CFAP47: variants seen among roughly 807,000 people sequenced by gnomAD.
The protein encoded by CFAP47 is cilia and flagella associated protein 47, also known as cilia- and flagella-associated protein 47.
In CFAP47, 29 loss-of-function variants were observed where a neutral mutation model predicts 148.1. That is an observed-to-expected ratio of 0.20 (90% CI 0.15 to 0.27). CFAP47 has a LOEUF of 0.27. Among genes scored for constraint, CFAP47 ranks in the 10% least tolerant of loss-of-function variants. CFAP47 has a pLI of 1.00. For synonymous variants in CFAP47, 664 were observed against 577.3 expected, an observed-to-expected ratio of 1.15 and a Z score of -2.15; for missense variants, 1,872 against 1,697.5, an observed-to-expected ratio of 1.10 and a Z score of -1.81.
Position 35,967,738 on chromosome X carries a change from C to G in CFAP47, c.1720C>G (p.Arg574Gly). The change falls in exon 10 of 64, where the codon CGC (arginine) becomes GGC (glycine). Residue 574 changes from arginine (R) to glycine (G), a missense_variant. By Grantham distance (125) the Arg-to-Gly change is moderately radical. Transcript: ENST00000378653. ...AGCCATGACACGCACTCACAATCAT[C>G]GCTCATGTGAAGAGCCAGTGAAGGA... is the stretch of plus-strand genomic sequence containing the variant. Reference protein sequence around the residue: ...QSAMTRTHNHRSCEEPVKDML... With the variant: ...QSAMTRTHNHGSCEEPVKDML... 1 of 1,207,697 alleles carries G rather than the reference C, an allele frequency of 8.3e-7. No homozygotes were observed. The highest frequency in any genetic ancestry group is 1.1e-6 in the Non-Finnish European group (1 of 892,458).
intron 2 of CFAP47, 21 bp downstream of exon 2, chrX:35,926,189 A>G (rs768442456): frequency 8.8e-6 from 10 of 1,130,671 alleles, no homozygotes; most frequent in Non-Finnish European, 1.2e-5. Flanking sequence ...TTCATAGTTC[A>G]TGCTGACATT....
intron 39 of CFAP47, among the ~76,000 whole-genome samples, chrX:36,177,943 A>T (rs1445498467): frequency 8.9e-6 from 1 of 112,042 alleles, no homozygotes; most frequent in Non-Finnish European, 1.9e-5. Flanking sequence ...GGTGCCCATC[A>T]ATGGTGGATT....
intron 17 of CFAP47, among the ~76,000 whole-genome samples, chrX:35,992,776 CAA>C (rs1000943539): frequency 2.7e-5 from 3 of 111,168 alleles, no homozygotes; most frequent in South Asian, 3.7e-4. Context: ...AGGAAATAAA[CAA>C]GAGATTACTT....
intron 3 of CFAP47, among the ~76,000 whole-genome samples, chrX:35,942,732 A>G (rs4501739): frequency 0.29 from 32,078 of 110,521 alleles, 5,349 homozygotes; most frequent in African/African-American, 0.63. Flanking sequence ...TCATATGAAA[A>G]CTCTCTGTAA....
chrX:36,005,549 A>G (rs988592507), intron 21 of CFAP47, among the ~76,000 whole-genome samples: 1 of 111,737 alleles, frequency 8.9e-6, no homozygotes, highest in Non-Finnish European at 1.9e-5. Context: ...ACATTAGTTC[A>G]TTTAAATCAC....
intron 40 of CFAP47, among the ~76,000 whole-genome samples, chrX:36,184,769 A>G (rs781782938): frequency 9.0e-6 from 1 of 111,084 alleles, no homozygotes; most frequent in Non-Finnish European, 1.9e-5. Context: ...CCCTCTCTCT[A>G]TTAAAAATAC....
At chrX:36,083,758 C>T (rs1166869591) in intron 29 of CFAP47, among the ~76,000 whole-genome samples, 1 of 111,030 alleles carries the variant, frequency 9.0e-6, no homozygotes, top group Non-Finnish European at 1.9e-5. Flanking sequence ...GAAAAATAAA[C>T]AAAATCCTTT....
In CFAP47 at chrX:35,939,579, A is replaced by G. The variant is rs1359552135; in HGVS notation, c.402-1704A>G. 2.8e-4 allele frequency among the ~76,000 whole-genome samples: 25 copies of G among 89,653 alleles called. No individual in the cohort carries two copies. In the East Asian group the frequency reaches 8.0e-3, roughly 29 times the overall value. The allele number at this position is 89,653 out of a possible 115,157, so 77.9% of individuals were successfully genotyped here. On this transcript the variant is annotated intron_variant, in intron 2 of 63. Coordinates refer to ENST00000378653, the MANE Select transcript of CFAP47 (RefSeq NM_001304548.2). Reference sequence around the variant, plus strand: ...TTGTTCTTGCGATAGTTTACTGAGAATGATGATTTCCAATTTCATCCATGT... The same window carrying G: ...TTGTTCTTGCGATAGTTTACTGAGAGTGATGATTTCCAATTTCATCCATGT...
intron 22 of CFAP47, among the ~76,000 whole-genome samples, chrX:36,021,288 T>C (rs1034750460): frequency 9.1e-6 from 1 of 110,078 alleles, no homozygotes; most frequent in African/African-American, 3.3e-5. Context: ...ATATTTGTTT[T>C]TTGTGTGTCC....
chrX:35,994,912 G>A (rs1936828780), intron 18 of CFAP47, among the ~76,000 whole-genome samples: 2 of 111,438 alleles, frequency 1.8e-5, no homozygotes, highest in Non-Finnish European at 3.8e-5. Flanking sequence ...ATGTCAAAGA[G>A]CCTACAATCT....
intron 26 of CFAP47, among the ~76,000 whole-genome samples, chrX:36,053,297 A>G (rs1158842179): frequency 9.0e-6 from 1 of 111,730 alleles, no homozygotes; most frequent in Non-Finnish European, 1.9e-5. Flanking sequence ...TGGAGACTCC[A>G]TTCTTAATGC....
At chrX:36,193,916 C>T (rs1939892171) in intron 42 of CFAP47, among the ~76,000 whole-genome samples, 1 of 111,405 alleles carries the variant, frequency 9.0e-6, no homozygotes, top group African/African-American at 3.3e-5. Flanking sequence ...ATCAACGGTA[C>T]TATCAGATAG....
intron 20 of CFAP47, among the ~76,000 whole-genome samples, chrX:36,000,836 A>AAT (rs1424149969): frequency 8.9e-6 from 1 of 111,878 alleles, no homozygotes; most frequent in Non-Finnish European, 1.9e-5. Context: ...ATTTAAACAA[A>AAT]ATACGCATTT....
chrX:36,356,129 T>C (rs1556018420), intron 60 of CFAP47, among the ~76,000 whole-genome samples: 1 of 111,923 alleles, frequency 8.9e-6, no homozygotes, highest in Non-Finnish European at 1.9e-5. Context: ...TCAAAATAGC[T>C]CTTGAAAATA....
chrX:36,038,315 A>G (rs1173526215), intron 24 of CFAP47, among the ~76,000 whole-genome samples: 1 of 111,871 alleles, frequency 8.9e-6, no homozygotes, highest in Non-Finnish European at 1.9e-5. Context: ...TTTTCTCTCT[A>G]TCACACACTA....
chrX:36,141,035 T>C (rs571018686), intron 35 of CFAP47, among the ~76,000 whole-genome samples: 1 of 105,814 alleles, frequency 9.5e-6, no homozygotes, highest in South Asian at 4.3e-4. Context: ...TAAGGGTGAA[T>C]AGATATTCTA....
intron 62 of CFAP47, among the ~76,000 whole-genome samples, chrX:36,368,934 A>G (rs1365423691): frequency 1.8e-5 from 2 of 111,472 alleles, no homozygotes; most frequent in Non-Finnish European, 3.8e-5. Flanking sequence ...TAAGTCTCCT[A>G]TGTTTTAAAA....
chrX:36,132,572 C>A (rs1356267913), intron 33 of CFAP47, among the ~76,000 whole-genome samples: 1 of 111,438 alleles, frequency 9.0e-6, no homozygotes, highest in African/African-American at 3.3e-5. Context: ...ATCAAAGGAA[C>A]TATCATAAAA....
chrX:35,924,482 T>TGCACCTATATGTGTATATAG (rs1569202216), intron 1 of CFAP47, among the ~76,000 whole-genome samples: 16 of 104,934 alleles, frequency 1.5e-4, no homozygotes, highest in East Asian at 1.0e-3. Flanking sequence ...TGTGTATATA[T>TGCACCTATATGTGTATATAG]GTGCACCTAT....
Sources: allele counts gnomAD v4.1 joint callset (sites outside exome capture counted in the v4.1 genomes callset), GRCh38; gene constraint gnomAD v4.1.1; transcripts MANE v1.5; gene names NCBI Gene and HGNC (gene_info 2026-07-23, HGNC 2026-07-21).